Variants in ETFBKMT observed in about 807,000 individuals in gnomAD.
ETFBKMT encodes the protein electron transfer flavoprotein beta subunit lysine methyltransferase.
Under a neutral mutation model 18.3 loss-of-function variants are expected in ETFBKMT, and 13 were observed. That is an observed-to-expected ratio of 0.71 (90% confidence interval 0.46 to 1.13). The LOEUF (loss-of-function observed/expected upper bound fraction) is 1.13. ETFBKMT is among the 50% of genes most tolerant of loss of function. The pLI is 0.00. For synonymous variants in ETFBKMT, 84 were observed against 107.9 expected, an observed-to-expected ratio of 0.78 and a Z score of 1.37; for missense variants, 293 against 306.2, an observed-to-expected ratio of 0.96 and a Z score of 0.32.
chr12:31,650,133 A>G (rs1467917027), intron 1 of ETFBKMT, among the ~76,000 whole-genome samples: 2 of 150,398 alleles, frequency 1.3e-5, no homozygotes, highest in Non-Finnish European at 3.0e-5. Flanking sequence ...GCTGGGCTAC[A>G]TTTCCAGTAA....
intron 3 of ETFBKMT, among the ~76,000 whole-genome samples, chr12:31,667,270 T>G (rs968546966): frequency 6.6e-6 from 1 of 152,352 alleles, no homozygotes; most frequent in South Asian, 2.1e-4. Context: ...ACTGGGATTA[T>G]AGGCGTGAGC....
At chr12:31,661,164 T>C (rs1279651145) in intron 1 of ETFBKMT, among the ~76,000 whole-genome samples, 1 of 152,254 alleles carries the variant, frequency 6.6e-6, no homozygotes, top group African/African-American at 2.4e-5. Context: ...ACAAATATGA[T>C]GCCATTTTAT....
In ETFBKMT at chr12:31,669,546, C is replaced by T. The variant is rs1951239347; in HGVS notation, c.*1556C>T. 1 of 152,206 alleles carries T rather than the reference C, an allele frequency of 6.6e-6. No homozygotes were observed. Among genetic ancestry groups the T allele is most frequent in the South Asian group, 2.1e-4 (1 of 4,830 alleles). 9.4% of individuals were successfully genotyped at this position (152,206 alleles called of 1,614,324 possible). On this transcript the variant is annotated 3_prime_UTR_variant, in exon 4 of 4. Transcript: ENST00000357721. ...ACTTGGGCATATTTCAAAATGGTTA[C>T]TTTCCCTATCCTCATACCAGAAGAG... is the stretch of plus-strand genomic sequence containing the variant.
chr12:31,665,727 A>G (rs941630714), intron 2 of ETFBKMT, among the ~76,000 whole-genome samples: 1 of 151,638 alleles, frequency 6.6e-6, no homozygotes, highest in Non-Finnish European at 1.5e-5. Context: ...TATTAGATTA[A>G]CTAAAAGTAT....
At chr12:31,667,369 CA>C (rs143249714) in intron 3 of ETFBKMT, among the ~76,000 whole-genome samples, 1 of 152,152 alleles carries the variant, frequency 6.6e-6, no homozygotes, top group Non-Finnish European at 1.5e-5. Context: ...AGTAAAAAAA[CA>C]AAATCTTTTG....
At chr12:31,647,405 T>G (rs1250903655) in intron 1 of ETFBKMT, 1 of 152,216 alleles carries the variant, frequency 6.6e-6, no homozygotes, top group Non-Finnish European at 1.5e-5. Context: ...CCAGACGACA[T>G]GTGTGTCATC....
intron 2 of ETFBKMT, 72 bp downstream of exon 2, chr12:31,662,339 A>G (rs1393239985): frequency 7.0e-7 from 1 of 1,435,508 alleles, no homozygotes; most frequent in Non-Finnish European, 9.5e-7. Flanking sequence ...CCTCTACAAA[A>G]AACCAGAGCA....
In ETFBKMT at chr12:31,662,139, C is replaced by T; in HGVS notation, c.186C>T (p.Ser62=). ...ACACTGAAGTCACCAGCAGTGGTAG[C>T]CTCACCCCTGAAATCCAGTTGCGGC... ...EENTEVTSSG[S]LTPEIQLRLL... The change falls in exon 2 of 4, where the codon AGC becomes AGT. Residue 62 remains serine (S), a synonymous_variant. Transcript: ENST00000357721. 1 of 1,614,240 alleles carries T rather than the reference C, an allele frequency of 6.2e-7. No homozygotes were observed. The highest frequency in any genetic ancestry group is 1.7e-5 in the Admixed American group (1 of 60,028).
At position 31,662,006 on chromosome 12, in the gene ETFBKMT, T is replaced by C; in HGVS notation, c.53T>C (p.Leu18Ser). 1 of 1,614,232 alleles carries C rather than the reference T, an allele frequency of 6.2e-7. No individual in the cohort carries two copies. Among genetic ancestry groups the C allele is most frequent in the Non-Finnish European group, 8.5e-7 (1 of 1,180,042 alleles). ...KAHRNHCGLL[L>S]QALRSSGLLL... ...CACAGGAACCACTGTGGTCTCCTCT[T>C]GCAGGCTCTGCGAAGCAGTGGTCTT... Residue 18 changes from leucine to serine, a missense_variant, in exon 2 of 4, where the codon TTG (leucine) becomes TCG (serine). By Grantham distance (145) the Leu-to-Ser change is moderately radical (BLOSUM62 -2). Coordinates refer to ENST00000357721, the MANE Select transcript of ETFBKMT (RefSeq NM_001135863.2).
intron 1 of ETFBKMT, among the ~76,000 whole-genome samples, chr12:31,647,467 C>T (rs1950978233): frequency 6.6e-6 from 1 of 152,166 alleles, no homozygotes; most frequent in Admixed American, 6.6e-5. Flanking sequence ...ACTGAACCTT[C>T]CTGTGACTTC....
rs1388861053 is a variant in ETFBKMT at position 31,662,181 on chromosome 12, C to T, written c.228C>T (p.Cys76=). The T allele has an allele frequency of 6.2e-7, 1 of 1,614,102 alleles. No individual in the cohort carries two copies. Among genetic ancestry groups the T allele is most frequent in the African/African-American group, 1.3e-5 (1 of 74,920 alleles). Residue 76 remains cysteine (C), a synonymous_variant, in exon 2 of 4, where the codon TGC becomes TGT. Coordinates refer to ENST00000357721, the MANE Select transcript of ETFBKMT (RefSeq NM_001135863.2). Reference sequence around the variant, plus strand: ...AGTTGCGGCTTTTGACCCCCAGATGCAAATTCTGGTGGGAGAGAGCTGACC... The same window carrying T: ...AGTTGCGGCTTTTGACCCCCAGATGTAAATTCTGGTGGGAGAGAGCTGACC... ...EIQLRLLTPR[C]KFWWERADLW... is the part of the protein sequence containing the mutation.
intron 2 of ETFBKMT, among the ~76,000 whole-genome samples, chr12:31,665,472 CTT>C (rs966079503): frequency 6.6e-6 from 1 of 152,028 alleles, no homozygotes. Flanking sequence ...AAAGACATCT[CTT>C]TTCTTTCTTT....
intron 1 of ETFBKMT, among the ~76,000 whole-genome samples, chr12:31,649,802 A>G (rs1406815856): frequency 1.4e-5 from 2 of 146,232 alleles, no homozygotes; most frequent in African/African-American, 5.0e-5. Context: ...CTCTCTCCGT[A>G]GCGAAGTACA....
chr12:31,666,279 G>A, intron 3 of ETFBKMT, 62 bp downstream of exon 3: 6 of 1,517,572 alleles, frequency 4.0e-6, no homozygotes, highest in Non-Finnish European at 5.4e-6. Flanking sequence ...GGATAAATAT[G>A]TACACATGCT....
intron 2 of ETFBKMT, among the ~76,000 whole-genome samples, chr12:31,663,980 T>G (rs1951162916): frequency 6.6e-6 from 1 of 151,938 alleles, no homozygotes; most frequent in South Asian, 2.1e-4. Flanking sequence ...TTGCATGTTC[T>G]AACTCATTGC....
At chr12:31,662,524 G>A (rs571859487) in intron 2 of ETFBKMT, among the ~76,000 whole-genome samples, 1,407 of 68,024 alleles carry the variant, frequency 0.021, 21 homozygotes, top group African/African-American at 0.068. Context: ...TTTTTTTTTT[G>A]GTAGAGACAG....
intron 3 of ETFBKMT, 36 bp downstream of exon 3, chr12:31,666,253 C>A: frequency 7.0e-7 from 1 of 1,429,322 alleles, no homozygotes; most frequent in South Asian, 1.3e-5. Flanking sequence ...TAAGGCTCAT[C>A]TTTTTTTTTT....
At chr12:31,654,216 A>G (rs1951041320), upstream of ETFBKMT, among the ~76,000 whole-genome samples, 1 of 152,002 alleles carries the variant, frequency 6.6e-6, no homozygotes, top group Admixed American at 6.6e-5. Flanking sequence ...TGTCCGACTA[A>G]TTTTTGTATT....
At chr12:31,652,455 T>C (rs1198756213) in intron 1 of ETFBKMT, among the ~76,000 whole-genome samples, 1 of 152,222 alleles carries the variant, frequency 6.6e-6, no homozygotes, top group Non-Finnish European at 1.5e-5. Context: ...TCTTCATAAA[T>C]TTATCATTTC....
Sources: allele counts gnomAD v4.1 joint callset (sites outside exome capture counted in the v4.1 genomes callset), GRCh38; gene constraint gnomAD v4.1.1; transcripts MANE v1.5; gene names NCBI Gene and HGNC (gene_info 2026-07-23, HGNC 2026-07-21).